Variants in CSDE1 observed in about 807,000 individuals in gnomAD.
CSDE1 encodes the protein cold shock domain-containing protein E1.
Under a neutral mutation model 89.3 loss-of-function variants are expected in CSDE1, and 17 were observed. The observed-to-expected ratio is 0.19, with a 90% confidence interval of 0.13 to 0.29. The LOEUF is 0.29. CSDE1 is among the 10% of genes least tolerant of loss of function. The probability of loss-of-function intolerance (pLI) is 1.00; values close to 1 mark genes in which losing one functional copy is unlikely to be tolerated. For missense variants in CSDE1, 672 were observed against 984.2 expected, an observed-to-expected ratio of 0.68 and a Z score of 4.24; for synonymous variants, 322 against 332.8, an observed-to-expected ratio of 0.97 and a Z score of 0.35.
chr1:114,754,699 A>C, intron 1 of CSDE1, among the ~76,000 whole-genome samples: 1 of 152,258 alleles, frequency 6.6e-6, no homozygotes, highest in East Asian at 1.9e-4. Context: ...GGTAAACGAT[A>C]AACTCTAGAT....
chr1:114,737,165 T>C (rs945596897), intron 5 of CSDE1, among the ~76,000 whole-genome samples: 4 of 152,008 alleles, frequency 2.6e-5, no homozygotes, highest in Non-Finnish European at 4.4e-5. Context: ...CAAAAAAAGC[T>C]GGTGTTAGTG....
At position 114,736,740 on chromosome 1, in the gene CSDE1, T is replaced by C. The variant is rs369889410; in HGVS notation, c.500+18A>G. ...AAAAAACCGCTTAGGTGAGAAAATT[T>C]AAAAAAAAAGAACTTACTGTTTATT... On this transcript the variant is annotated intron_variant, in intron 6 of 19. Coordinates refer to ENST00000358528, the MANE Select transcript of CSDE1 (RefSeq NM_001007553.3). 4 of 1,524,762 alleles carry C rather than the reference T, an allele frequency of 2.6e-6. No homozygotes were observed. In the African/African-American group the frequency reaches 5.6e-5, roughly 21 times the overall value. 94.5% of individuals were successfully genotyped at this position (1,524,762 alleles called of 1,614,324 possible).
At chr1:114,735,691 T>C (rs908530936) in intron 6 of CSDE1, among the ~76,000 whole-genome samples, 2 of 152,226 alleles carry the variant, frequency 1.3e-5, no homozygotes, top group Non-Finnish European at 2.9e-5. Flanking sequence ...TCCCTCCACA[T>C]GCTACTGGAA....
At position 114,720,600 on chromosome 1, in the gene CSDE1, T is replaced by G. The variant is rs753626111; in HGVS notation, c.1991A>C (p.Gln664Pro). ...FQLCVLGQNA[Q>P]TMAYNITPLR... Reference sequence around the variant, plus strand: ...GGGTGTGATGTTGTAAGCCATAGTTTGTGCATTTTGGCCCAGGACACACAA... The same window carrying G: ...GGGTGTGATGTTGTAAGCCATAGTTGGTGCATTTTGGCCCAGGACACACAA... The change falls in exon 17 of 20, where the codon CAA becomes CCA. Residue 664 changes from glutamine to proline, a missense_variant. Around this residue, in one of 8 missense-constraint regions of CSDE1, gnomAD observed 206 missense variants for 332.4 expected, o/e 0.62. Coordinates refer to ENST00000358528, the MANE Select transcript of CSDE1 (RefSeq NM_001007553.3). 1.2e-6 allele frequency: 2 copies of G among 1,614,164 alleles called. No homozygotes were observed.
In CSDE1 at chr1:114,736,780, A is replaced by C; in HGVS notation, c.478T>G (p.Phe160Val). The C allele has an allele frequency of 1.2e-6, 2 of 1,612,104 alleles. No homozygotes were observed. Among genetic ancestry groups the C allele is most frequent in the Non-Finnish European group, 8.5e-7 (1 of 1,178,962 alleles). Reference protein sequence around the residue: ...VQLETGDKINFVIDNNKHTGA... With the variant: ...VQLETGDKINVVIDNNKHTGA... ...TACTGTTTATTGTTATCAATTACAA[A>C]GTTTATTTTATCTCCAGTTTCCAGC... Residue 160 changes from phenylalanine to valine, a missense_variant, in exon 6 of 20, where the codon TTT becomes GTT. This residue lies in a region of CSDE1 where 124 missense variants were observed against 138.7 expected (regional missense o/e 0.89). Transcript: ENST00000358528.
intron 2 of CSDE1, among the ~76,000 whole-genome samples, chr1:114,747,179 TCTTTC>T (rs1661057038): frequency 6.6e-6 from 1 of 152,256 alleles, no homozygotes; most frequent in African/African-American, 2.4e-5. Context: ...TAAGCCTTAT[TCTTTC>T]TTGCCATTTT....
chr1:114,739,989 CA>C (rs1184025439), intron 2 of CSDE1, 99 bp from the exon 3 acceptor site: 101 of 930,318 alleles, frequency 1.1e-4, no homozygotes, highest in Middle Eastern at 2.8e-4. Context: ...TATAAAAACG[CA>C]AAAAAAAGTA....
chr1:114,717,209 C>T lies in CSDE1; in HGVS notation c.*960G>A, dbSNP rs1226724533. On this transcript the variant is annotated 3_prime_UTR_variant, in exon 20 of 20. Coordinates refer to ENST00000358528, the MANE Select transcript of CSDE1 (RefSeq NM_001007553.3). ...TCCATTCCCGTGATATAAAGTTGAACAGAAGCTACACCAAGGGTCAAGTGT... is the reference window on the plus strand; with the variant it reads ...TCCATTCCCGTGATATAAAGTTGAATAGAAGCTACACCAAGGGTCAAGTGT... 2 of 152,464 alleles carry T rather than the reference C, an allele frequency of 1.3e-5. No individual in the cohort carries two copies. The highest frequency in any genetic ancestry group is 2.9e-5 in the Non-Finnish European group (2 of 68,032). 9.4% of individuals were successfully genotyped at this position (152,464 alleles called of 1,614,324 possible). A position where few individuals can be genotyped will look rare whatever the true frequency, so the allele number is the denominator to read the frequency against.
intron 15 of CSDE1, 185 bp from the exon 16 acceptor site, chr1:114,724,187 A>G (rs1659677504): frequency 2.3e-6 from 1 of 434,064 alleles, no homozygotes; most frequent in South Asian, 4.1e-5. Context: ...AAATACTTCT[A>G]AACTACCAAA....
rs1424869536 is a variant in CSDE1 at position 114,725,214 on chromosome 1, T to G, written c.1753+7A>C. The G allele has an allele frequency of 6.2e-7, 1 of 1,611,386 alleles. No individual in the cohort carries two copies. Among genetic ancestry groups the G allele is most frequent in the African/African-American group, 1.3e-5 (1 of 75,000 alleles). On this transcript the variant is annotated splice_region_variant and intron_variant, in intron 15 of 19. Transcript: ENST00000358528. ...CACAGGCTGAATAAGAAGTCACAAT[T>G]TATTACCTGAGTGTGTTTTGTTCAC...
intron 2 of CSDE1, among the ~76,000 whole-genome samples, chr1:114,740,538 G>T (rs1167824412): frequency 6.6e-6 from 1 of 152,178 alleles, no homozygotes; most frequent in Non-Finnish European, 1.5e-5. Flanking sequence ...TAAAAATGCT[G>T]AATCATTTCA....
chr1:114,757,544 C>A (rs528008643), intron 1 of CSDE1, among the ~76,000 whole-genome samples: 1 of 152,040 alleles, frequency 6.6e-6, no homozygotes, highest in Non-Finnish European at 1.5e-5. Context: ...CCAGACAAGC[C>A]GCAGATGGGG....
intron 2 of CSDE1, among the ~76,000 whole-genome samples, chr1:114,744,518 T>C (rs1222505998): frequency 6.6e-6 from 1 of 151,972 alleles, no homozygotes; most frequent in Non-Finnish European, 1.5e-5. Context: ...GGTCAAGCCA[T>C]GATCCTGACA....
chr1:114,741,020 C>T (rs1446058368), intron 2 of CSDE1, among the ~76,000 whole-genome samples: 3 of 152,196 alleles, frequency 2.0e-5, no homozygotes, highest in Non-Finnish European at 4.4e-5. Context: ...ATCAAAGCCA[C>T]CACACCTGTA....
intron 1 of CSDE1, among the ~76,000 whole-genome samples, chr1:114,757,363 C>T (rs996029939): frequency 4.6e-5 from 7 of 152,170 alleles, no homozygotes; most frequent in African/African-American, 1.7e-4. Flanking sequence ...CACTGCCGCA[C>T]TGCGCTCTGG....
chr1:114,733,544 A>G (rs954500811), intron 9 of CSDE1, among the ~76,000 whole-genome samples, 188 bp downstream of exon 9: 2 of 151,862 alleles, frequency 1.3e-5, no homozygotes, highest in East Asian at 3.9e-4. Flanking sequence ...AAAAAAAAAA[A>G]AAAAACACCA....
rs776640031 is a variant in CSDE1, at chr1:114,739,867, G to A, written c.24C>T (p.Leu8=). 8 of 1,613,848 alleles carry A rather than the reference G, an allele frequency of 5.0e-6. No homozygotes were observed. Among genetic ancestry groups the A allele is most frequent in the African/African-American group, 1.3e-5 (1 of 74,910 alleles). MSFDPNL[L]HNNGHNGYPN... is the part of the protein sequence containing the mutation. ...GGTACCCATTATGTCCATTGTTGTG[G>A]AGAAGGTTTGGATCAAAGCTCATCT... Residue 8 remains leucine, a synonymous_variant, in exon 3 of 20, where the codon CTC becomes CTT. Coordinates refer to ENST00000358528, the MANE Select transcript of CSDE1 (RefSeq NM_001007553.3).
In CSDE1 at chr1:114,737,439, G is replaced by C. The variant is rs190940416; in HGVS notation, c.402+32C>G. ...CGCTTATAGATCACATGGTGGATCA[G>C]GCAAAGGTTTAAGAAAAATACACAA... On this transcript the variant is annotated intron_variant, in intron 5 of 19. Coordinates refer to ENST00000358528, the MANE Select transcript of CSDE1 (RefSeq NM_001007553.3). 1.7e-3 allele frequency: 2,590 copies of C among 1,507,676 alleles called. 10 individuals carry two copies. The highest frequency in any genetic ancestry group is 5.3e-3 in the Admixed American group (313 of 59,310). The allele number at this position is 1,507,676 out of a possible 1,614,324, so 93.4% of individuals were successfully genotyped here. A position where few individuals can be genotyped will look rare whatever the true frequency, so the allele number is the denominator to read the frequency against.
At chr1:114,725,390 A>G in intron 14 of CSDE1, 57 bp from the exon 15 acceptor site, 3 of 1,310,336 alleles carry the variant, frequency 2.3e-6, no homozygotes, top group Non-Finnish European at 3.3e-6. Context: ...CAACAGTAAC[A>G]GGCAGTCTTT....
Sources: gnomAD v4.1 joint callset for allele counts (sites outside exome capture counted in the v4.1 genomes callset) on GRCh38, gnomAD v4.1.1 for gene constraint, gnomAD v4.1.1 regional missense constraint, MANE v1.5 for transcripts, NCBI Gene and HGNC (gene_info 2026-07-23, HGNC 2026-07-21) for gene names.